The following SPATA1 variants were observed in gnomAD, a reference collection of about 807,000 sequenced individuals.
SPATA1 encodes the protein spermatogenesis associated 1, also known as spermatogenesis-associated protein 1.
In SPATA1, 57 loss-of-function variants were observed where a neutral mutation model predicts 59.6. That is an observed-to-expected ratio of 0.96 (90% CI 0.77 to 1.19). The LOEUF (loss-of-function observed/expected upper bound fraction) is 1.19. Ranked by LOEUF, SPATA1 falls within the 50% of genes most tolerant of loss-of-function variation. The pLI is 0.00. For synonymous variants in SPATA1, 147 were observed against 163.9 expected, an observed-to-expected ratio of 0.90 and a Z score of 0.79; for missense variants, 448 against 480.7, an observed-to-expected ratio of 0.93 and a Z score of 0.64.
intron 4 of SPATA1, chr1:84,563,360 G>T (rs759361175): frequency 2.5e-6 from 4 of 1,594,900 alleles, no homozygotes; most frequent in African/African-American, 1.4e-5. Flanking sequence ...CTGACGTCCT[G>T]CAGCGTCACT....
At position 84,544,154 on chromosome 1, in the gene SPATA1, G is replaced by T. The variant is rs17111225; in HGVS notation, c.718-48G>T. ...AAATACCTACGGGCAAGTGAAAAAAGAATGTGACAGTGTAGCCGATCTTAC... is the reference window on the plus strand; with the variant it reads ...AAATACCTACGGGCAAGTGAAAAAATAATGTGACAGTGTAGCCGATCTTAC... On this transcript the variant is annotated intron_variant, in intron 8 of 12. Transcript: ENST00000490879. 4.7e-3 allele frequency: 5,757 copies of T among 1,238,056 alleles called. 269 individuals are homozygous for T. In the East Asian group the frequency reaches 0.11, roughly 24 times the overall value. 76.7% of individuals were successfully genotyped at this position (1,238,056 alleles called of 1,614,324 possible). A position where few individuals can be genotyped will look rare whatever the true frequency, so the allele number is the denominator to read the frequency against.
rs548462346 is a variant in SPATA1 at position 84,534,796 on chromosome 1, C to T, written c.717+1030C>T. Among the ~76,000 whole-genome samples, 7 of 152,208 alleles carry T rather than the reference C, an allele frequency of 4.6e-5. No individual in the cohort carries two copies. In the East Asian group the frequency reaches 5.8e-4, roughly 13 times the overall value. ...ACAGAAAGTTACATTAATTCTTCCA[C>T]GGTTATGTCTTTCATACCCATTGGA... On this transcript the variant is annotated intron_variant, in intron 8 of 12. Transcript: ENST00000490879.
intron 10 of SPATA1, among the ~76,000 whole-genome samples, chr1:84,546,474 A>C (rs1487432207): frequency 2.0e-5 from 3 of 152,066 alleles, no homozygotes; most frequent in African/African-American, 7.2e-5. Flanking sequence ...AAAAAAAAAA[A>C]AAAAAACTTG....
intron 1 of SPATA1, among the ~76,000 whole-genome samples, chr1:84,510,187 C>T (rs1185057781): frequency 6.6e-6 from 1 of 151,990 alleles, no homozygotes; most frequent in Non-Finnish European, 1.5e-5. Flanking sequence ...TAAAAACCTG[C>T]ATTACAAAGG....
chr1:84,564,714 C>T (rs1325388827), intron 4 of SPATA1, among the ~76,000 whole-genome samples: 1 of 152,060 alleles, frequency 6.6e-6, no homozygotes, highest in Non-Finnish European at 1.5e-5. Flanking sequence ...TTAATAATTA[C>T]TTCGTAATTT....
At chr1:84,530,883 C>G (rs145384956) in intron 6 of SPATA1, among the ~76,000 whole-genome samples, 1 of 152,148 alleles carries the variant, frequency 6.6e-6, no homozygotes, top group Non-Finnish European at 1.5e-5. Context: ...TTGTACATAC[C>G]GTATTCTTTG....
chr1:84,526,392 A>G (rs1321373495), intron 6 of SPATA1, among the ~76,000 whole-genome samples: 1 of 152,210 alleles, frequency 6.6e-6, no homozygotes, highest in Non-Finnish European at 1.5e-5. Flanking sequence ...AGGAAAGGTG[A>G]CTGCATAAAA....
intron 2 of SPATA1, 85 bp downstream of exon 2, chr1:84,516,480 T>C: frequency 1.3e-6 from 1 of 779,328 alleles, no homozygotes; most frequent in Non-Finnish European, 2.0e-6. Flanking sequence ...AAAACATAGA[T>C]TATATAAAGT....
chr1:84,562,716 T>C (rs1248150791), intron 4 of SPATA1, among the ~76,000 whole-genome samples: 1 of 152,246 alleles, frequency 6.6e-6, no homozygotes, highest in African/African-American at 2.4e-5. Flanking sequence ...ACTTAGTGTA[T>C]TTCTTCAGGT....
rs191124261 is a variant in SPATA1, at chr1:84,518,988, A to G, written c.37-1597A>G. Among the ~76,000 whole-genome samples, 205 of 152,078 alleles carry G rather than the reference A, an allele frequency of 1.3e-3. 2 individuals are homozygous for G. The highest frequency in any genetic ancestry group is 2.1e-3 in the Non-Finnish European group (144 of 67,910). On this transcript the variant is annotated intron_variant, in intron 2 of 12. Transcript: ENST00000490879. Reference sequence around the variant, plus strand: ...AAAAATTTTAAAAATTGTACTTCTTAGAAGTCAGTATTTATTGTTTGTTGG... The same window carrying G: ...AAAAATTTTAAAAATTGTACTTCTTGGAAGTCAGTATTTATTGTTTGTTGG...
chr1:84,520,522 A>G, intron 2 of SPATA1, 63 bp from the exon 3 acceptor site: 2 of 873,122 alleles, frequency 2.3e-6, no homozygotes, highest in Non-Finnish European at 3.2e-6. Context: ...TCTATAGGAC[A>G]TCAATTGATT....
chr1:84,566,104 C>G, exon 5 of SPATA1: 1 of 699,216 alleles, frequency 1.4e-6, no homozygotes, highest in Non-Finnish European at 2.0e-6. Flanking sequence ...TTACCTTATA[C>G]TACACAAGGA....
intron 1 of SPATA1, among the ~76,000 whole-genome samples, chr1:84,514,699 G>T (rs920530765): frequency 2.0e-5 from 3 of 152,184 alleles, no homozygotes; most frequent in Admixed American, 6.5e-5. Context: ...CGGGCACAGT[G>T]GTGGCTGATG....
chr1:84,518,376 C>T (rs1400943069), intron 2 of SPATA1, among the ~76,000 whole-genome samples: 6 of 151,986 alleles, frequency 3.9e-5, no homozygotes, highest in Non-Finnish European at 5.9e-5. Context: ...GATTATGTTA[C>T]AGAGGTCCTT....
downstream of SPATA1, among the ~76,000 whole-genome samples, chr1:84,556,273 G>C (rs149446742): frequency 1.5e-3 from 230 of 152,212 alleles, no homozygotes; most frequent in Non-Finnish European, 2.4e-3. Context: ...AGGTGAAAAA[G>C]ATAGGAGATA....
At chr1:84,536,646 G>A (rs1486873992) in intron 8 of SPATA1, among the ~76,000 whole-genome samples, 4 of 151,966 alleles carry the variant, frequency 2.6e-5, no homozygotes, top group Admixed American at 1.3e-4. Context: ...GTGTTTCACC[G>A]TGTTAGCCAG....
intron 8 of SPATA1, among the ~76,000 whole-genome samples, chr1:84,539,586 C>A (rs1187835609): frequency 1.3e-5 from 2 of 152,062 alleles, no homozygotes; most frequent in East Asian, 3.9e-4. Context: ...TTTATGGACC[C>A]CATTTTGATA....
intron 4 of SPATA1, among the ~76,000 whole-genome samples, chr1:84,561,636 C>T (rs768217690): frequency 6.6e-5 from 10 of 152,102 alleles, no homozygotes; most frequent in East Asian, 1.9e-4. Context: ...AGTCAATTGA[C>T]GTGGCAAACT....
chr1:84,545,569 A>G, intron 9 of SPATA1, 65 bp from the exon 10 acceptor site: 2 of 1,448,748 alleles, frequency 1.4e-6, no homozygotes, highest in African/African-American at 3.0e-5. Context: ...TACACTCCAT[A>G]TTTTAGGATA....
Sources: allele counts gnomAD v4.1 joint callset (sites outside exome capture counted in the v4.1 genomes callset), GRCh38; gene constraint gnomAD v4.1.1; transcripts MANE v1.5; gene names NCBI Gene and HGNC (gene_info 2026-07-23, HGNC 2026-07-21).